The following PARL variants were observed in gnomAD, a reference collection of about 807,000 sequenced individuals.
PARL encodes the protein presenilin-associated rhomboid-like protein, mitochondrial.
Under a neutral mutation model 51.6 loss-of-function variants are expected in PARL, and 44 were observed. The ratio of observed to expected loss-of-function variants is 0.85; its 90% CI spans 0.67 to 1.10. The LOEUF is 1.10. Ranked by LOEUF, PARL falls within the 50% of genes least tolerant of loss-of-function variation. PARL has a pLI of 0.00. For synonymous variants in PARL, 172 were observed against 164.0 expected (o/e 1.05, Z -0.37); for missense variants, 441 against 469.5 (o/e 0.94, Z 0.56).
At chr3:183,859,314 C>A (rs940211051) in intron 4 of PARL, among the ~76,000 whole-genome samples, 1 of 152,052 alleles carries the variant, frequency 6.6e-6, no homozygotes, top group African/African-American at 2.4e-5. Flanking sequence ...GACTCCAAAC[C>A]TGGCATCAGC....
At chr3:183,855,167 A>G (rs893543702) in intron 4 of PARL, among the ~76,000 whole-genome samples, 4 of 151,934 alleles carry the variant, frequency 2.6e-5, no homozygotes, top group African/African-American at 4.8e-5. Flanking sequence ...GGAATGGGGG[A>G]GTGACTGCTA....
intron 4 of PARL, among the ~76,000 whole-genome samples, chr3:183,849,875 A>G (rs1438474765): frequency 1.3e-5 from 2 of 152,242 alleles, no homozygotes; most frequent in Non-Finnish European, 2.9e-5. Flanking sequence ...CGAACCTTAT[A>G]GAAATCAGAA....
At chr3:183,864,429 G>A (rs1388209523) in intron 3 of PARL, among the ~76,000 whole-genome samples, 1 of 151,972 alleles carries the variant, frequency 6.6e-6, no homozygotes, top group Non-Finnish European at 1.5e-5. Flanking sequence ...AAATGGGCCT[G>A]AAACCACATA....
Position 183,867,848 on chromosome 3 carries a change from G to C in PARL, c.321+17C>G. 1 of 1,583,762 alleles carries C rather than the reference G, an allele frequency of 6.3e-7. No individual in the cohort carries two copies. ...TTTCTAGCAAGGTAGGTAACTCCTA[G>C]CAAAGTGAGCTCTTACCCCAACAGT... On this transcript the variant is annotated intron_variant, in intron 2 of 9. Transcript: ENST00000317096.
Position 183,829,503 on chromosome 3 carries a change from C to T in PARL, c.*95G>A. On this transcript the variant is annotated 3_prime_UTR_variant, in exon 10 of 10. Coordinates refer to ENST00000317096, the MANE Select transcript of PARL (RefSeq NM_018622.7). Reference sequence around the variant, plus strand: ...GTGGGAGGCCAGATGCTGGCATCTTCCAGACGGGAGCATAGCCATGGTCAC... The same window carrying T: ...GTGGGAGGCCAGATGCTGGCATCTTTCAGACGGGAGCATAGCCATGGTCAC... 1 of 1,612,642 alleles carries T rather than the reference C, an allele frequency of 6.2e-7. No homozygotes were observed. The highest frequency in any genetic ancestry group is 8.5e-7 in the Non-Finnish European group (1 of 1,179,726).
chr3:183,869,860 C>T (rs1429454759), intron 1 of PARL, among the ~76,000 whole-genome samples: 1 of 152,094 alleles, frequency 6.6e-6, no homozygotes, highest in Non-Finnish European at 1.5e-5. Context: ...CTTGGATATG[C>T]TCCCCATTAC....
intron 1 of PARL, among the ~76,000 whole-genome samples, chr3:183,868,299 A>G (rs1004555312): frequency 2.6e-5 from 4 of 152,210 alleles, no homozygotes; most frequent in Admixed American, 6.5e-5. Context: ...ATTACTTTCT[A>G]TCAGTCAACA....
At chr3:183,831,026 G>C (rs955209120) in intron 9 of PARL, among the ~76,000 whole-genome samples, 2 of 152,158 alleles carry the variant, frequency 1.3e-5, no homozygotes, top group African/African-American at 4.8e-5. Flanking sequence ...GCCCAGGCTG[G>C]AGTGCAGTGG....
chr3:183,882,736 T>C (rs927083835), intron 1 of PARL, among the ~76,000 whole-genome samples: 12 of 152,174 alleles, frequency 7.9e-5, no homozygotes, highest in Non-Finnish European at 1.8e-4. Flanking sequence ...CCTTTAAAAA[T>C]GTAAACCATT....
intron 7 of PARL, among the ~76,000 whole-genome samples, chr3:183,839,353 A>C (rs1253795671): frequency 6.6e-6 from 1 of 152,198 alleles, no homozygotes; most frequent in African/African-American, 2.4e-5. Flanking sequence ...TTACATAAAG[A>C]TTTCCATGTG....
At position 183,829,385 on chromosome 3, in the gene PARL, T is replaced by G; in HGVS notation, c.*213A>C. The G allele has an allele frequency of 6.8e-7, 1 of 1,464,758 alleles. No individual in the cohort carries two copies. 90.7% of individuals were successfully genotyped at this position (1,464,758 alleles called of 1,614,324 possible). A position where few individuals can be genotyped will look rare whatever the true frequency, so the allele number is the denominator to read the frequency against. On this transcript the variant is annotated 3_prime_UTR_variant, in exon 10 of 10. Coordinates refer to ENST00000317096, the MANE Select transcript of PARL (RefSeq NM_018622.7). ...GCCCCTTAAAGAGAGAACACACACA[T>G]CTGCTTACAAACTAGATAGAAACCT...
At chr3:183,853,361 G>A (rs189160429) in intron 4 of PARL, among the ~76,000 whole-genome samples, 16 of 152,158 alleles carry the variant, frequency 1.1e-4, no homozygotes, top group Admixed American at 3.3e-4. Context: ...TCAGGGTTTC[G>A]AGACCAGCCT....
chr3:183,872,049 T>C (rs979032592), intron 1 of PARL, among the ~76,000 whole-genome samples: 3 of 150,714 alleles, frequency 2.0e-5, no homozygotes, highest in Admixed American at 1.3e-4. Context: ...TTGCCCAGGC[T>C]GGCATGCAAT....
chr3:183,844,727 T>C (rs898204132), intron 4 of PARL: 1 of 182,228 alleles, frequency 5.5e-6, no homozygotes, highest in African/African-American at 2.4e-5. Flanking sequence ...TTCTTTTTCC[T>C]CAGGGCATGG....
chr3:183,833,846 G>A (rs745928601), intron 7 of PARL, 21 bp from the exon 8 acceptor site: 1 of 1,504,176 alleles, frequency 6.6e-7, no homozygotes, highest in Non-Finnish European at 9.3e-7. Context: ...ACACAGCAGG[G>A]AGAATGGGAA....
chr3:183,828,919 C>A (rs1391234243), downstream of PARL, among the ~76,000 whole-genome samples: 2 of 152,162 alleles, frequency 1.3e-5, no homozygotes, highest in East Asian at 1.9e-4. Flanking sequence ...ACGACGACAG[C>A]CACTATCTGC....
chr3:183,843,179 C>T, intron 5 of PARL: 2 of 983,426 alleles, frequency 2.0e-6, no homozygotes, highest in Non-Finnish European at 2.4e-6. Context: ...TCACTATGCC[C>T]AGCTTAAGAC....
At position 183,884,811 on chromosome 3, in the gene PARL, G is replaced by A. The variant is rs1734953558; in HGVS notation, c.36C>T (p.Gly12=). Residue 12 remains glycine (G), a synonymous_variant, in exon 1 of 10, where the codon GGC becomes GGT. Coordinates refer to ENST00000317096, the MANE Select transcript of PARL (RefSeq NM_018622.7). ...CCGACGCACCCCACGCCTGGCCGCAGCCCCAGCCTCTCTGCGCCCAGCCTC... is the reference window on the plus strand; with the variant it reads ...CCGACGCACCCCACGCCTGGCCGCAACCCCAGCCTCTCTGCGCCCAGCCTC... ...AWRGWAQRGW[G]CGQAWGASVG... 2 of 1,596,060 alleles carry A rather than the reference G, an allele frequency of 1.3e-6. No individual in the cohort carries two copies.
chr3:183,835,950 G>A (rs1728522737), intron 7 of PARL, among the ~76,000 whole-genome samples: 1 of 151,908 alleles, frequency 6.6e-6, no homozygotes, highest in Non-Finnish European at 1.5e-5. Flanking sequence ...AGGCACAGTC[G>A]CTTACACCTG....
Sources: allele counts gnomAD v4.1 joint callset (sites outside exome capture counted in the v4.1 genomes callset), GRCh38; gene constraint gnomAD v4.1.1; transcripts MANE v1.5; gene names NCBI Gene and HGNC (gene_info 2026-07-23, HGNC 2026-07-21).